TRIO: variants seen among roughly 807,000 people sequenced by gnomAD.
The protein encoded by TRIO is triple functional domain protein.
In TRIO, 58 loss-of-function variants were observed where a neutral mutation model predicts 351.9. The ratio of observed to expected loss-of-function variants is 0.16; its 90% CI spans 0.13 to 0.21. The LOEUF (loss-of-function observed/expected upper bound fraction) is 0.21, where lower values mean the gene tolerates loss of function less well. TRIO is among the 10% of genes least tolerant of loss of function. TRIO has a pLI of 1.00. For synonymous variants in TRIO, 1,758 were observed against 1,595.7 expected (o/e 1.10, Z -2.42); for missense variants, 3,201 against 4,027.8 (o/e 0.79, Z 5.56).
intron 1 of TRIO, among the ~76,000 whole-genome samples, chr5:14,255,471 A>G (rs1248124111): frequency 1.3e-5 from 2 of 152,260 alleles, no homozygotes; most frequent in Non-Finnish European, 2.9e-5. Flanking sequence ...TATTAAATAA[A>G]ACTCAGCACG....
At chr5:14,345,249 T>G (rs1278570255) in intron 11 of TRIO, among the ~76,000 whole-genome samples, 1 of 152,238 alleles carries the variant, frequency 6.6e-6, no homozygotes, top group East Asian at 1.9e-4. Flanking sequence ...CATGCAGTGC[T>G]GATATACCTG....
intron 36 of TRIO, among the ~76,000 whole-genome samples, chr5:14,464,591 C>T (rs900907115): frequency 4.6e-5 from 7 of 151,968 alleles, no homozygotes; most frequent in Non-Finnish European, 1.0e-4. Flanking sequence ...TTTTCTTCAC[C>T]CCATATTCCA....
At chr5:14,332,176 A>G (rs1037734727) in intron 10 of TRIO, among the ~76,000 whole-genome samples, 3 of 152,184 alleles carry the variant, frequency 2.0e-5, no homozygotes, top group Non-Finnish European at 2.9e-5. Context: ...TTTTCTGCCT[A>G]TCCCCCTGGA....
intron 1 of TRIO, among the ~76,000 whole-genome samples, chr5:14,198,878 A>G (rs1790928173): frequency 6.6e-6 from 1 of 152,184 alleles, no homozygotes; most frequent in Non-Finnish European, 1.5e-5. Context: ...TTCCTTGTAG[A>G]TAGTTCATTT....
At chr5:14,361,740 G>A (rs529797058) in intron 13 of TRIO, among the ~76,000 whole-genome samples, 10 of 152,342 alleles carry the variant, frequency 6.6e-5, no homozygotes, top group Admixed American at 5.9e-4. Context: ...TAGGATCCAC[G>A]GAAAATGTCA....
At chr5:14,492,409 C>A in intron 48 of TRIO, 158 bp from the exon 49 acceptor site, 2 of 909,614 alleles carry the variant, frequency 2.2e-6, no homozygotes, top group Non-Finnish European at 3.3e-6. Context: ...CACAGTTAGC[C>A]AGAGGGTAAA....
intron 1 of TRIO, among the ~76,000 whole-genome samples, chr5:14,239,882 T>G (rs979145214): frequency 5.9e-5 from 9 of 152,174 alleles, no homozygotes; most frequent in Non-Finnish European, 1.3e-4. Context: ...TGAGATGCCT[T>G]TAACGAAGGA....
At chr5:14,405,058 AG>A (rs1748580201) in intron 31 of TRIO, among the ~76,000 whole-genome samples, 1 of 151,816 alleles carries the variant, frequency 6.6e-6, no homozygotes, top group Non-Finnish European at 1.5e-5. Flanking sequence ...ACATGCAGAA[AG>A]AAAAAAAAAA....
chr5:14,493,137 G>T (rs951898939), intron 49 of TRIO, among the ~76,000 whole-genome samples: 1 of 152,068 alleles, frequency 6.6e-6, no homozygotes, highest in South Asian at 2.1e-4. Context: ...GAAACCTAAG[G>T]GGAAAATATC....
At chr5:14,293,437 C>G (rs905635179) in intron 6 of TRIO, among the ~76,000 whole-genome samples, 1 of 152,224 alleles carries the variant, frequency 6.6e-6, no homozygotes, top group African/African-American at 2.4e-5. Flanking sequence ...TAGGAGCCCA[C>G]GGGGGCCCCA....
At chr5:14,498,286 C>A (rs562317479) in intron 52 of TRIO, 35 bp downstream of exon 52, 1 of 1,603,888 alleles carries the variant, frequency 6.2e-7, no homozygotes, top group Non-Finnish European at 8.5e-7. Context: ...GTTTCGCTGG[C>A]TGGGAGCACC....
At chr5:14,270,280 G>A (rs923477810) in intron 1 of TRIO, among the ~76,000 whole-genome samples, 3 of 152,146 alleles carry the variant, frequency 2.0e-5, no homozygotes, top group African/African-American at 7.2e-5. Flanking sequence ...TCCTCCAGGG[G>A]GCATGACCCA....
chr5:14,360,611 G>A (rs938299788), intron 13 of TRIO, among the ~76,000 whole-genome samples: 4 of 152,220 alleles, frequency 2.6e-5, no homozygotes, highest in Admixed American at 6.5e-5. Context: ...AGGGCTGTGC[G>A]TAGCCTGCCC....
chr5:14,272,993 G>A (rs963116441), intron 2 of TRIO, among the ~76,000 whole-genome samples: 2 of 151,054 alleles, frequency 1.3e-5, no homozygotes, highest in African/African-American at 2.4e-5. Context: ...TTTTTAAAAC[G>A]TGTGATTCAG....
At chr5:14,298,568 T>G (rs888834140) in intron 7 of TRIO, among the ~76,000 whole-genome samples, 3 of 152,052 alleles carry the variant, frequency 2.0e-5, no homozygotes, top group Non-Finnish European at 4.4e-5. Flanking sequence ...TGTTGAAGAG[T>G]GAAGAAGTCA....
intron 34 of TRIO, among the ~76,000 whole-genome samples, chr5:14,428,952 G>T (rs1344753885): frequency 6.6e-6 from 1 of 152,214 alleles, no homozygotes; most frequent in Non-Finnish European, 1.5e-5. Context: ...ACTCTCTGGA[G>T]ACTGGACTTC....
At chr5:14,382,399 G>A (rs904593919) in intron 21 of TRIO, among the ~76,000 whole-genome samples, 16 of 152,034 alleles carry the variant, frequency 1.1e-4, no homozygotes, top group African/African-American at 2.2e-4. Context: ...CCTTTCCCTC[G>A]GCCCTGAGGT....
chr5:14,143,984 C>T (rs1301595905), intron 1 of TRIO, 102 bp downstream of exon 1: 2 of 882,996 alleles, frequency 2.3e-6, no homozygotes, highest in African/African-American at 1.8e-5. Flanking sequence ...CTGGTGCCCG[C>T]CCGTCCGTCC....
intron 34 of TRIO, among the ~76,000 whole-genome samples, chr5:14,444,219 A>G (rs956300352): frequency 3.3e-5 from 5 of 152,240 alleles, no homozygotes; most frequent in African/African-American, 1.2e-4. Flanking sequence ...AATACATAAT[A>G]TGAACCTATT....
Sources: gnomAD v4.1 joint callset for allele counts (sites outside exome capture counted in the v4.1 genomes callset) on GRCh38, gnomAD v4.1.1 for gene constraint, MANE v1.5 for transcripts, NCBI Gene and HGNC (gene_info 2026-07-23, HGNC 2026-07-21) for gene names.